Variants in CNTN4 observed in about 807,000 individuals in gnomAD.
CNTN4 encodes the protein contactin-4.
A neutral mutation model predicts 122.5 loss-of-function variants in CNTN4; 77 were observed. That is an observed-to-expected ratio of 0.63 (90% CI 0.52 to 0.76). The LOEUF (loss-of-function observed/expected upper bound fraction) is 0.76, where lower values mean the gene tolerates loss of function less well. CNTN4 is among the 30% of genes least tolerant of loss of function. CNTN4 has a pLI of 0.00. For missense variants in CNTN4, 1,256 were observed against 1,259.1 expected (o/e 1.00, Z 0.04); for synonymous variants, 512 against 447.0 (o/e 1.15, Z -1.83).
At chr3:2,855,919 A>C (rs2093613221) in intron 7 of CNTN4, among the ~76,000 whole-genome samples, 1 of 152,182 alleles carries the variant, frequency 6.6e-6, no homozygotes, top group South Asian at 2.1e-4. Flanking sequence ...TAAAACATGT[A>C]TTTTGATAGT....
At chr3:2,753,587 G>T (rs925323964) in intron 6 of CNTN4, among the ~76,000 whole-genome samples, 5 of 152,200 alleles carry the variant, frequency 3.3e-5, no homozygotes, top group Non-Finnish European at 4.4e-5. Flanking sequence ...CCTGAGTCTT[G>T]AGCAGATGCC....
chr3:2,552,559 A>C (rs888028980), intron 3 of CNTN4, among the ~76,000 whole-genome samples: 1 of 152,144 alleles, frequency 6.6e-6, no homozygotes, highest in Non-Finnish European at 1.5e-5. Flanking sequence ...TGCAATTATA[A>C]ATTGGCATTT....
intron 6 of CNTN4, among the ~76,000 whole-genome samples, chr3:2,794,738 G>A (rs77624931): frequency 6.6e-6 from 1 of 152,150 alleles, no homozygotes; most frequent in East Asian, 1.9e-4. Context: ...TACAAAGAAA[G>A]GAAATACATT....
At chr3:2,158,094 A>G (rs1179920290) in intron 2 of CNTN4, among the ~76,000 whole-genome samples, 3 of 97,314 alleles carry the variant, frequency 3.1e-5, no homozygotes, top group Admixed American at 1.9e-4. Context: ...AATTTTGCAT[A>G]TACTGCATAT....
rs76878290 is a variant in CNTN4, at chr3:2,880,451, C to T, written c.653-2694C>T. On this transcript the variant is annotated intron_variant, in intron 8 of 24. Coordinates refer to ENST00000418658, the MANE Select transcript of CNTN4 (RefSeq NM_175607.3). ...TTAACTTGCTCACTGCGCTCAAAGT[C>T]ATACTACTGATATTTATGGGATGAT... Among the ~76,000 whole-genome samples the T allele has an allele frequency of 6.5e-3, 984 of 152,304 alleles. 14 individuals carry two copies. Among genetic ancestry groups the T allele is most frequent in the African/African-American group, 0.023 (942 of 41,570 alleles).
chr3:2,916,187 T>TTTTC (rs1196801501), intron 12 of CNTN4, among the ~76,000 whole-genome samples: 3 of 152,354 alleles, frequency 2.0e-5, no homozygotes, highest in African/African-American at 7.2e-5. Flanking sequence ...TGTACTTTTT[T>TTTTC]TTTCTTTTTC....
At chr3:2,266,507 A>G (rs962401524) in intron 2 of CNTN4, among the ~76,000 whole-genome samples, 8 of 151,956 alleles carry the variant, frequency 5.3e-5, no homozygotes, top group Non-Finnish European at 1.0e-4. Context: ...CTAAAAATCA[A>G]ATCTCCCCCC....
intron 4 of CNTN4, among the ~76,000 whole-genome samples, chr3:2,631,732 T>C (rs2082436801): frequency 6.6e-6 from 1 of 151,526 alleles, no homozygotes; most frequent in African/African-American, 2.4e-5. Flanking sequence ...TTATGCAGTA[T>C]TAAAAATCAT....
intron 7 of CNTN4, among the ~76,000 whole-genome samples, chr3:2,834,484 T>G (rs1411383248): frequency 1.3e-5 from 2 of 151,996 alleles, no homozygotes; most frequent in Non-Finnish European, 2.9e-5. Context: ...GGAGAATTGC[T>G]TGAACCCAGC....
chr3:2,281,378 T>C (rs1260630048), intron 2 of CNTN4, among the ~76,000 whole-genome samples: 1 of 152,090 alleles, frequency 6.6e-6, no homozygotes, highest in African/African-American at 2.4e-5. Context: ...TAACCACAAC[T>C]ATTATGCTTG....
chr3:2,226,525 A>G (rs1226015981), intron 2 of CNTN4, among the ~76,000 whole-genome samples: 1 of 152,172 alleles, frequency 6.6e-6, no homozygotes. Context: ...CTTAATTATT[A>G]GCTGCTTTAG....
chr3:2,669,832 G>A (rs1380551930), intron 4 of CNTN4, among the ~76,000 whole-genome samples: 7 of 152,108 alleles, frequency 4.6e-5, no homozygotes, highest in Non-Finnish European at 5.9e-5. Flanking sequence ...CTTTATTTCT[G>A]CCTTCATTTC....
At chr3:2,904,760 T>C (rs1391842239) in intron 12 of CNTN4, among the ~76,000 whole-genome samples, 1 of 152,234 alleles carries the variant, frequency 6.6e-6, no homozygotes, top group Non-Finnish European at 1.5e-5. Context: ...GTGTGTTCTC[T>C]ACTCTACTCT....
chr3:2,981,009 C>T (rs1297458041), intron 13 of CNTN4, among the ~76,000 whole-genome samples: 2 of 152,140 alleles, frequency 1.3e-5, no homozygotes, highest in Non-Finnish European at 2.9e-5. Context: ...CATGCCTAGT[C>T]CCAGGTAGTC....
chr3:2,866,027 C>T (rs979480020), intron 7 of CNTN4, among the ~76,000 whole-genome samples: 1 of 152,080 alleles, frequency 6.6e-6, no homozygotes, highest in Non-Finnish European at 1.5e-5. Context: ...GTCAACTAGT[C>T]AGTCAGTGTA....
intron 3 of CNTN4, among the ~76,000 whole-genome samples, chr3:2,489,430 C>T (rs1346810579): frequency 1.3e-5 from 2 of 152,182 alleles, no homozygotes; most frequent in East Asian, 3.9e-4. Context: ...CACTTACCCT[C>T]TTTTTTCTCA....
chr3:2,276,789 G>T (rs990690026), intron 2 of CNTN4, among the ~76,000 whole-genome samples: 2 of 152,074 alleles, frequency 1.3e-5, no homozygotes, highest in African/African-American at 2.4e-5. Context: ...GGTGGCGCGT[G>T]CTTGTGATCC....
At chr3:3,007,326 T>C (rs1484883794) in intron 14 of CNTN4, among the ~76,000 whole-genome samples, 1 of 152,196 alleles carries the variant, frequency 6.6e-6, no homozygotes, top group Non-Finnish European at 1.5e-5. Context: ...TCTGAGTAAC[T>C]TGTACTTTAT....
At chr3:2,311,977 T>C (rs1038375097) in intron 2 of CNTN4, among the ~76,000 whole-genome samples, 7 of 152,194 alleles carry the variant, frequency 4.6e-5, no homozygotes, top group African/African-American at 1.7e-4. Flanking sequence ...ACGTAATAAA[T>C]ATTTATTAAA....
Sources: allele counts gnomAD v4.1 joint callset (sites outside exome capture counted in the v4.1 genomes callset), GRCh38; gene constraint gnomAD v4.1.1; transcripts MANE v1.5; gene names NCBI Gene and HGNC (gene_info 2026-07-23, HGNC 2026-07-21).